The following EPB41L5 variants were observed in gnomAD, a reference collection of about 807,000 sequenced individuals.
The protein encoded by EPB41L5 is band 4.1-like protein 5.
Under a neutral mutation model 106.6 loss-of-function variants are expected in EPB41L5, and 55 were observed. The observed-to-expected ratio is 0.52, with a 90% CI of 0.42 to 0.65. The LOEUF (loss-of-function observed/expected upper bound fraction) is 0.65. Among genes scored for constraint, EPB41L5 ranks in the 30% least tolerant of loss-of-function variants. The pLI is 0.00. For synonymous variants in EPB41L5, 297 were observed against 306.7 expected, an observed-to-expected ratio of 0.97 and a Z score of 0.33; for missense variants, 871 against 882.1, an observed-to-expected ratio of 0.99 and a Z score of 0.16.
chr2:120,093,496 C>T lies in EPB41L5; in HGVS notation c.1178+220C>T, dbSNP rs78473956. 8.7e-3 allele frequency among the ~76,000 whole-genome samples: 1,325 copies of T among 152,262 alleles called. 19 individuals are homozygous for T. The highest frequency in any genetic ancestry group is 0.03 in the African/African-American group (1,259 of 41,550). Reference sequence around the variant, plus strand: ...AAGAATGGGGTCGAGGCAGATGAGCCATTCATAAAGAGAATGACATACCTT... The same window carrying T: ...AAGAATGGGGTCGAGGCAGATGAGCTATTCATAAAGAGAATGACATACCTT... On this transcript the variant is annotated intron_variant, in intron 14 of 24. Transcript: ENST00000263713.
intron 14 of EPB41L5, among the ~76,000 whole-genome samples, chr2:120,098,301 C>G (rs1262772242): frequency 5.3e-5 from 8 of 151,942 alleles, no homozygotes. Context: ...CCTCAACCTC[C>G]TGGGATCAGG....
At chr2:120,106,682 A>G (rs1403673623) in intron 16 of EPB41L5, 1 of 985,312 alleles carries the variant, frequency 1.0e-6, no homozygotes, top group Non-Finnish European at 1.2e-6. Context: ...GGTTGGTTAC[A>G]TTTTGACTGT....
intron 3 of EPB41L5, among the ~76,000 whole-genome samples, chr2:120,047,542 C>A (rs1253059881): frequency 6.6e-6 from 1 of 151,992 alleles, no homozygotes; most frequent in Non-Finnish European, 1.5e-5. Flanking sequence ...AGTTCCTTAT[C>A]AGCTTAAGGA....
intron 24 of EPB41L5, among the ~76,000 whole-genome samples, chr2:120,172,688 AAAG>A (rs1687730282): frequency 6.6e-6 from 1 of 152,170 alleles, no homozygotes; most frequent in Non-Finnish European, 1.5e-5. Context: ...TTTATCCAAA[AAAG>A]AAGTCATGGG....
At chr2:120,144,732 A>G (rs1251684399) in intron 19 of EPB41L5, among the ~76,000 whole-genome samples, 3 of 152,222 alleles carry the variant, frequency 2.0e-5, no homozygotes, top group Admixed American at 6.5e-5. Context: ...ACAAGAAACT[A>G]CAGACCACTA....
intron 16 of EPB41L5, chr2:120,105,706 C>G (rs780612915): frequency 4.1e-6 from 4 of 985,318 alleles, no homozygotes; most frequent in Non-Finnish European, 4.8e-6. Context: ...CCTCTTTAAG[C>G]CCATCATCGT....
At chr2:120,145,589 T>G (rs1686361724) in intron 19 of EPB41L5, among the ~76,000 whole-genome samples, 1 of 152,104 alleles carries the variant, frequency 6.6e-6, no homozygotes, top group Non-Finnish European at 1.5e-5. Context: ...TGTTACATGA[T>G]GTTGGCTAAA....
At chr2:120,035,216 A>C (rs1678969131) in intron 2 of EPB41L5, among the ~76,000 whole-genome samples, 1 of 152,164 alleles carries the variant, frequency 6.6e-6, no homozygotes, top group Non-Finnish European at 1.5e-5. Flanking sequence ...TCGCTAGCAT[A>C]ATATTTTCTT....
At chr2:120,073,317 A>T (rs1374065112) in intron 4 of EPB41L5, 97 bp downstream of exon 4, 1 of 1,089,160 alleles carries the variant, frequency 9.2e-7, no homozygotes, top group Non-Finnish European at 1.4e-6. Flanking sequence ...GTTTCAGATG[A>T]GTTTTTTAGC....
At chr2:120,138,319 T>C (rs1464632370) in intron 18 of EPB41L5, among the ~76,000 whole-genome samples, 2 of 152,056 alleles carry the variant, frequency 1.3e-5, no homozygotes, top group South Asian at 2.1e-4. Context: ...ACTGCTGTTA[T>C]TCAGTGTAGT....
intron 20 of EPB41L5, among the ~76,000 whole-genome samples, chr2:120,159,637 A>G (rs559129209): frequency 1.3e-5 from 2 of 152,278 alleles, no homozygotes; most frequent in Admixed American, 6.5e-5. Context: ...GCATTATGCT[A>G]TCTGACTTCA....
chr2:120,019,213 C>G lies in EPB41L5; in HGVS notation c.129C>G (p.Ile43Met). 1.9e-6 allele frequency: 3 copies of G among 1,614,002 alleles called. No individual in the cohort carries two copies. The highest frequency in any genetic ancestry group is 2.5e-6 in the Non-Finnish European group (3 of 1,180,004). The stretch of plus-strand genomic sequence containing the variant: ...CAGCTGGAGATTCTAAGTCCATCAT[C>G]ACGTGTCGGGTGTCCCTTCTGGATG... ...IPAAGDSKSIITCRVSLLDGT... is the reference protein window; with the variant it reads ...IPAAGDSKSIMTCRVSLLDGT... Residue 43 changes from isoleucine (I) to methionine (M), a missense_variant, in exon 2 of 25, where the codon ATC becomes ATG. By Grantham distance (10) the Ile-to-Met change is conservative. Coordinates refer to ENST00000263713, the MANE Select transcript of EPB41L5 (RefSeq NM_020909.4).
At chr2:120,121,439 G>C (rs1173647701) in intron 16 of EPB41L5, among the ~76,000 whole-genome samples, 1 of 152,126 alleles carries the variant, frequency 6.6e-6, no homozygotes, top group Non-Finnish European at 1.5e-5. Flanking sequence ...CTATGAGTAA[G>C]AACATGCAGT....
At chr2:120,035,519 A>G (rs956890744) in intron 2 of EPB41L5, among the ~76,000 whole-genome samples, 13 of 152,184 alleles carry the variant, frequency 8.5e-5, no homozygotes, top group Admixed American at 5.2e-4. Context: ...TGTTTGTTCA[A>G]TAAACCAACT....
At chr2:120,024,953 G>C (rs1484837049) in intron 2 of EPB41L5, among the ~76,000 whole-genome samples, 1 of 152,144 alleles carries the variant, frequency 6.6e-6, no homozygotes, top group Non-Finnish European at 1.5e-5. Context: ...AGGGATATTA[G>C]CCTGAAATTT....
At chr2:120,065,884 T>C (rs190242215) in intron 3 of EPB41L5, among the ~76,000 whole-genome samples, 8 of 152,326 alleles carry the variant, frequency 5.3e-5, no homozygotes, top group Non-Finnish European at 7.3e-5. Flanking sequence ...TGAAAACTTA[T>C]TCTGTCAAAA....
intron 2 of EPB41L5, among the ~76,000 whole-genome samples, chr2:120,041,212 T>C (rs1435524335): frequency 6.6e-6 from 1 of 152,182 alleles, no homozygotes; most frequent in African/African-American, 2.4e-5. Flanking sequence ...TTAAGCACTT[T>C]TGCAAATCTG....
At chr2:120,098,125 A>G (rs902085044) in intron 14 of EPB41L5, among the ~76,000 whole-genome samples, 2 of 141,714 alleles carry the variant, frequency 1.4e-5, no homozygotes, top group African/African-American at 5.4e-5. Context: ...TAAAATTGCC[A>G]TGGCAGTGGA....
chr2:120,068,186 C>CTCCCT (rs1681584457), intron 3 of EPB41L5, among the ~76,000 whole-genome samples: 1 of 152,226 alleles, frequency 6.6e-6, no homozygotes, highest in East Asian at 1.9e-4. Flanking sequence ...GGTCGGGGAA[C>CTCCCT]TCCCTCCCCT....
Sources: gnomAD v4.1 joint callset for allele counts (sites outside exome capture counted in the v4.1 genomes callset) on GRCh38, gnomAD v4.1.1 for gene constraint, MANE v1.5 for transcripts, NCBI Gene and HGNC (gene_info 2026-07-23, HGNC 2026-07-21) for gene names.